The following SLC36A1 variants were observed in gnomAD, a reference collection of about 807,000 sequenced individuals.
SLC36A1 encodes the protein solute carrier family 36 member 1.
SLC36A1 carries 30 observed loss-of-function variants against 47.5 expected under a neutral mutation model. That is an observed-to-expected ratio of 0.63 (90% CI 0.47 to 0.86). The LOEUF (loss-of-function observed/expected upper bound fraction) is 0.86. Among genes scored for constraint, SLC36A1 ranks in the 40% least tolerant of loss-of-function variants. The pLI, the probability that SLC36A1 is intolerant of heterozygous loss-of-function variation, is 0.00. For missense variants in SLC36A1, 517 were observed against 606.0 expected, an observed-to-expected ratio of 0.85 and a Z score of 1.54; for synonymous variants, 255 against 249.7, an observed-to-expected ratio of 1.02 and a Z score of -0.20.
At chr5:151,524,894 A>T in the SLC36A1 span, among the ~76,000 whole-genome samples, 10 of 152,174 alleles carry the variant, frequency 6.6e-5, no homozygotes, top group Admixed American at 3.3e-4. Flanking sequence ...CTCCCTCTGA[A>T]TGTGTGTCCC....
At chr5:151,431,172 G>T in the SLC36A1 span, 6,980 of 152,218 alleles carry the variant, frequency 0.046, 510 homozygotes, top group African/African-American at 0.16. Context: ...AGAACTACAG[G>T]AGAGCACAGA....
At chr5:151,525,796 G>C in the SLC36A1 span, 1 of 1,614,100 alleles carries the variant, frequency 6.2e-7, no homozygotes. Context: ...CCATTCCTGA[G>C]CCCTCCTGCT....
chr5:151,521,327 G>T, the SLC36A1 span: 1 of 1,613,728 alleles, frequency 6.2e-7, no homozygotes, highest in Non-Finnish European at 8.5e-7. Context: ...AGGATGCTGA[G>T]CCTGGCGGTG....
At chr5:151,440,815 G>A (rs1752581585) in intron 1 of SLC36A1, among the ~76,000 whole-genome samples, 1 of 152,080 alleles carries the variant, frequency 6.6e-6, no homozygotes, top group South Asian at 2.1e-4. Context: ...CACCCAGCTG[G>A]GAAATAAGGG....
At chr5:151,354,224 A>G in the SLC36A1 span, among the ~76,000 whole-genome samples, 8,963 of 152,232 alleles carry the variant, frequency 0.059, 828 homozygotes, top group African/African-American at 0.2. Context: ...GAATCACGTG[A>G]ACCTGGGAGG....
upstream of SLC36A1, among the ~76,000 whole-genome samples, chr5:151,446,810 C>A (rs1752951066): frequency 1.3e-5 from 2 of 152,286 alleles, no homozygotes; most frequent in Middle Eastern, 3.4e-3. Context: ...AATTCAAGTT[C>A]ATTATTTCCT....
chr5:151,517,114 A>C, the SLC36A1 span, among the ~76,000 whole-genome samples: 2 of 152,168 alleles, frequency 1.3e-5, no homozygotes, highest in African/African-American at 4.8e-5. Context: ...TCTCAAAAAA[A>C]AAAAAAAGAA....
the SLC36A1 span, among the ~76,000 whole-genome samples, chr5:151,381,792 C>A: frequency 1.3e-5 from 2 of 152,286 alleles, no homozygotes; most frequent in East Asian, 3.9e-4. Flanking sequence ...CTCACTGGCC[C>A]CGCCCCCTAC....
chr5:151,467,218 C>G lies in SLC36A1; in HGVS notation c.439C>G (p.Leu147Val), dbSNP rs1756538558. ...HWGRRVVDFF[L>V]IVTQLGFCCV... ...CTCCAGACGTGTTGTGGACTTCTTC[C>G]TGATTGTCACCCAGCTGGGATTCTG... The change falls in exon 6 of 11, where the codon CTG becomes GTG. Residue 147 changes from leucine to valine, a missense_variant. Coordinates refer to ENST00000243389, the MANE Select transcript of SLC36A1 (RefSeq NM_078483.4). 6.2e-7 allele frequency: 1 copy of G among 1,612,646 alleles called. No homozygotes were observed. The highest frequency in any genetic ancestry group is 8.5e-7 in the Non-Finnish European group (1 of 1,179,472).
the SLC36A1 span, chr5:151,549,484 T>C: frequency 6.2e-7 from 1 of 1,614,196 alleles, no homozygotes; most frequent in Non-Finnish European, 8.5e-7. Flanking sequence ...TTCCTCTTGA[T>C]AGGTATTTCC....
chr5:151,370,573 C>T, the SLC36A1 span, among the ~76,000 whole-genome samples: 1 of 152,182 alleles, frequency 6.6e-6, no homozygotes, highest in Non-Finnish European at 1.5e-5. Flanking sequence ...TTCTTTGCAG[C>T]ATTGTTTGTA....
chr5:151,464,372 T>C (rs1756024037), intron 3 of SLC36A1, 142 bp from the exon 4 acceptor site: 1 of 660,694 alleles, frequency 1.5e-6, no homozygotes. Flanking sequence ...CACGTTTCTC[T>C]CTCTAATGCT....
chr5:151,439,559 A>G (rs1243209878), intron 1 of SLC36A1, among the ~76,000 whole-genome samples: 2 of 151,896 alleles, frequency 1.3e-5, no homozygotes, highest in South Asian at 2.1e-4. Context: ...AGGCTGAAGC[A>G]GGAGAATTGC....
At chr5:151,396,856 A>G in the SLC36A1 span, among the ~76,000 whole-genome samples, 1 of 152,220 alleles carries the variant, frequency 6.6e-6, no homozygotes, top group East Asian at 1.9e-4. Flanking sequence ...TAGGTTAAGC[A>G]ATATTCCCAA....
chr5:151,545,147 C>T, the SLC36A1 span: 3 of 1,614,112 alleles, frequency 1.9e-6, no homozygotes, highest in Non-Finnish European at 2.5e-6. Context: ...AAATGATTGC[C>T]CTGGGCACCA....
At chr5:151,498,723 C>T in the SLC36A1 span, among the ~76,000 whole-genome samples, 3 of 152,228 alleles carry the variant, frequency 2.0e-5, no homozygotes, top group African/African-American at 4.8e-5. Context: ...TACTTAAAAT[C>T]TCTAGGCCTT....
the SLC36A1 span, among the ~76,000 whole-genome samples, chr5:151,388,010 T>G: frequency 2.6e-5 from 4 of 152,146 alleles, no homozygotes; most frequent in Non-Finnish European, 5.9e-5. Flanking sequence ...ATTTGCCATA[T>G]CTTGAAATAG....
chr5:151,469,095 A>G (rs1273592566), intron 7 of SLC36A1: 2 of 458,184 alleles, frequency 4.4e-6, no homozygotes, highest in Non-Finnish European at 7.8e-6. Flanking sequence ...CATAACTTAA[A>G]AAAAAAAATA....
At chr5:151,396,000 G>T in the SLC36A1 span, among the ~76,000 whole-genome samples, 1 of 151,742 alleles carries the variant, frequency 6.6e-6, no homozygotes, top group Non-Finnish European at 1.5e-5. Flanking sequence ...ACTAGAGATG[G>T]GATCTCACCA....
Sources: allele counts gnomAD v4.1 joint callset (sites outside exome capture counted in the v4.1 genomes callset), GRCh38; gene constraint gnomAD v4.1.1; transcripts MANE v1.5; gene names NCBI Gene and HGNC (gene_info 2026-07-23, HGNC 2026-07-21).